The following GIGYF2 variants were observed in gnomAD, a reference collection of about 807,000 sequenced individuals.
GIGYF2 encodes the protein GRB10 interacting GYF protein 2.
Under a neutral mutation model 208.1 loss-of-function variants are expected in GIGYF2, and 25 were observed. That is an observed-to-expected ratio of 0.12 (90% confidence interval 0.09 to 0.17). The LOEUF is 0.17. GIGYF2 is among the 10% of genes least tolerant of loss of function. The pLI, the probability that GIGYF2 is intolerant of heterozygous loss-of-function variation, is 1.00. For missense variants in GIGYF2, 1,302 were observed against 1,579.4 expected (o/e 0.82, Z 2.98); for synonymous variants, 534 against 543.8 (o/e 0.98, Z 0.25).
chr2:232,747,930 A>G (rs899916895), intron 4 of GIGYF2, among the ~76,000 whole-genome samples, 186 bp downstream of exon 4: 23 of 152,210 alleles, frequency 1.5e-4, no homozygotes, highest in African/African-American at 4.3e-4. Context: ...ATCACACACT[A>G]TATTTTAGGC....
At chr2:232,772,074 A>G (rs994139228) in intron 8 of GIGYF2, among the ~76,000 whole-genome samples, 3 of 152,102 alleles carry the variant, frequency 2.0e-5, no homozygotes, top group African/African-American at 7.2e-5. Context: ...AACCTCAGCA[A>G]ATTTTTAGAA....
chr2:232,789,839 T>C (rs1191056149), intron 9 of GIGYF2, among the ~76,000 whole-genome samples: 2 of 152,166 alleles, frequency 1.3e-5, no homozygotes, highest in African/African-American at 4.8e-5. Flanking sequence ...TCCCTTTCTT[T>C]TTTTTAGAAA....
At position 232,747,620 on chromosome 2, in the gene GIGYF2, G is replaced by A. The variant is rs1698193699; in HGVS notation, c.47G>A (p.Arg16Gln). The A allele has an allele frequency of 6.2e-7, 1 of 1,613,896 alleles. No homozygotes were observed. ...CTCTGTCTTTTCTATTCTAGGCTCC[G>A]AGCTCTGTCCAGTGGTGGGAGTATT... Reference protein sequence around the residue: ...QTLNFGPEWLRALSSGGSITS... With the variant: ...QTLNFGPEWLQALSSGGSITS... Residue 16 changes from arginine (R) to glutamine (Q), a missense_variant, in exon 4 of 29, where the codon CGA becomes CAA. Arg to Gln is a conservative substitution (Grantham distance 43). Around this residue, in one of 8 missense-constraint regions of GIGYF2, gnomAD observed 27 missense variants for 59.5 expected, o/e 0.45. Transcript: ENST00000373563.
At chr2:232,778,924 T>G (rs550533052) in intron 8 of GIGYF2, among the ~76,000 whole-genome samples, 1 of 152,294 alleles carries the variant, frequency 6.6e-6, no homozygotes, top group South Asian at 2.1e-4. Context: ...CTTCCCTGAT[T>G]GATGAAATTC....
intron 2 of GIGYF2, among the ~76,000 whole-genome samples, chr2:232,720,891 T>C (rs1478882051): frequency 6.6e-6 from 1 of 152,098 alleles, no homozygotes; most frequent in Non-Finnish European, 1.5e-5. Flanking sequence ...CACCGTGCCC[T>C]GCCTCTCTCA....
intron 22 of GIGYF2, among the ~76,000 whole-genome samples, chr2:232,839,204 C>T (rs568149740): frequency 1.3e-5 from 2 of 152,182 alleles, no homozygotes; most frequent in South Asian, 2.1e-4. Flanking sequence ...AATAATCAGG[C>T]TTTGAGAATA....
At chr2:232,849,410 C>T (rs1690217005) in intron 27 of GIGYF2, among the ~76,000 whole-genome samples, 1 of 152,128 alleles carries the variant, frequency 6.6e-6, no homozygotes, top group South Asian at 2.1e-4. Context: ...ATGATCCGCC[C>T]TCCTCAGCCT....
At chr2:232,783,688 TTTTG>T (rs57123102) in intron 8 of GIGYF2, among the ~76,000 whole-genome samples, 46,223 of 151,626 alleles carry the variant, frequency 0.3, 7,363 homozygotes, top group South Asian at 0.62. Flanking sequence ...CTAGGTGTTT[TTTTG>T]TTTGTTTGTT....
rs1240256258 is a variant in GIGYF2, at chr2:232,814,501, T to G, written c.2108-1136T>G. Reference sequence around the variant, plus strand: ...TCGCTTGAACCCTGGAGGCGGAGGTTGCAGTGAGCCGAGATCACGCCACTG... The same window carrying G: ...TCGCTTGAACCCTGGAGGCGGAGGTGGCAGTGAGCCGAGATCACGCCACTG... On this transcript the variant is annotated intron_variant, in intron 18 of 28. Transcript: ENST00000373563. 2.8e-5 allele frequency among the ~76,000 whole-genome samples: 4 copies of G among 144,518 alleles called. No individual in the cohort carries two copies. In the East Asian group the frequency reaches 8.1e-4, roughly 29 times the overall value. The allele number at this position is 144,518 out of a possible 152,430, so 94.8% of individuals were successfully genotyped here. A position where few individuals can be genotyped will look rare whatever the true frequency, so the allele number is the denominator to read the frequency against.
chr2:232,721,894 C>T (rs1696959392), intron 2 of GIGYF2, among the ~76,000 whole-genome samples: 1 of 152,198 alleles, frequency 6.6e-6, no homozygotes, highest in African/African-American at 2.4e-5. Flanking sequence ...TTACTTTCAT[C>T]TCTAGTTCTA....
At chr2:232,823,277 T>C (rs1009641909) in intron 21 of GIGYF2, among the ~76,000 whole-genome samples, 3 of 152,084 alleles carry the variant, frequency 2.0e-5, no homozygotes, top group Admixed American at 1.3e-4. Context: ...TGCATCTAAT[T>C]TGGTACTGTT....
In GIGYF2 at chr2:232,844,210, G is replaced by GCAGCAGCAGCAACAC. The variant is rs1701921229; in HGVS notation, c.3060_3074dup (p.Gln1021_Gln1025dup). Reference sequence around the variant, plus strand: ...CCAGGCAAATGCAAAAGCAGCAGCAGCAGCAGCAGCAACACCAGCAACCAA... The same window carrying GCAGCAGCAGCAACAC: ...CCAGGCAAATGCAAAAGCAGCAGCAGCAGCAGCAGCAACACCAGCAGCAGCAACACCAGCAACCAA... On this transcript the variant is annotated inframe_insertion, in exon 24 of 29. Transcript: ENST00000373563. 6.4e-7 allele frequency: 1 copy of GCAGCAGCAGCAACAC among 1,563,050 alleles called. No homozygotes were observed.
At chr2:232,756,898 T>C (rs1698566553) in intron 6 of GIGYF2, among the ~76,000 whole-genome samples, 1 of 152,236 alleles carries the variant, frequency 6.6e-6, no homozygotes. Context: ...TTCTTTGATA[T>C]CTGCCCCCTA....
chr2:232,772,991 A>T (rs1324973717), intron 8 of GIGYF2, among the ~76,000 whole-genome samples: 3 of 152,126 alleles, frequency 2.0e-5, no homozygotes, highest in African/African-American at 7.2e-5. Context: ...ATTGGTGATT[A>T]GAGACTTTTT....
chr2:232,760,193 C>G (rs767721205), intron 6 of GIGYF2: 7 of 272,004 alleles, frequency 2.6e-5, no homozygotes, highest in Non-Finnish European at 4.3e-5. Context: ...TTTCACTATT[C>G]AACTGTTCGT....
intron 26 of GIGYF2, 129 bp from the exon 27 acceptor site, chr2:232,847,219 A>G (rs1702035121): frequency 2.2e-6 from 2 of 901,442 alleles, no homozygotes; most frequent in Non-Finnish European, 3.7e-6. Flanking sequence ...CAATTGCTGC[A>G]TACTTACCAA....
intron 21 of GIGYF2, among the ~76,000 whole-genome samples, chr2:232,822,173 G>A (rs886186126): frequency 1.3e-5 from 2 of 151,960 alleles, no homozygotes; most frequent in Admixed American, 6.6e-5. Context: ...AGCCTCCTGT[G>A]GTTATGATAT....
intron 21 of GIGYF2, 146 bp downstream of exon 21, chr2:232,820,131 T>A: frequency 1.3e-6 from 1 of 760,694 alleles, no homozygotes; most frequent in Non-Finnish European, 2.2e-6. Context: ...CTCTTATTAC[T>A]TCTGTCTAAA....
chr2:232,750,561 A>G (rs1280152219), intron 5 of GIGYF2, among the ~76,000 whole-genome samples: 1 of 152,072 alleles, frequency 6.6e-6, no homozygotes, highest in African/African-American at 2.4e-5. Context: ...GATTTGGAAA[A>G]ATTTTTTCCC....
Sources: allele counts gnomAD v4.1 joint callset (sites outside exome capture counted in the v4.1 genomes callset), GRCh38; gene constraint gnomAD v4.1.1; regional missense constraint gnomAD v4.1.1; transcripts MANE v1.5; gene names NCBI Gene and HGNC (gene_info 2026-07-23, HGNC 2026-07-21).